Variants in LHPP observed in about 807,000 individuals in gnomAD.
LHPP encodes hLHPP.
A neutral mutation model predicts 30.3 loss-of-function variants in LHPP; 24 were observed. The observed-to-expected ratio is 0.79, with a 90% confidence interval of 0.57 to 1.11. LHPP has a LOEUF of 1.11. Ranked by LOEUF, LHPP falls within the 50% of genes most tolerant of loss-of-function variation. The pLI is 0.00. For synonymous variants in LHPP, 150 were observed against 157.1 expected, an observed-to-expected ratio of 0.95 and a Z score of 0.34; for missense variants, 356 against 367.2, an observed-to-expected ratio of 0.97 and a Z score of 0.25.
At chr10:124,535,880 A>C (rs1955011578) in intron 6 of LHPP, among the ~76,000 whole-genome samples, 1 of 152,246 alleles carries the variant, frequency 6.6e-6, no homozygotes, top group Admixed American at 6.5e-5. Flanking sequence ...GCCCCTGAGC[A>C]CCAGTTCTGC....
intron 5 of LHPP, among the ~76,000 whole-genome samples, chr10:124,502,602 C>G (rs1055076128): frequency 8.0e-5 from 12 of 150,466 alleles, no homozygotes; most frequent in African/African-American, 3.0e-4. Flanking sequence ...ATCTCCTGAC[C>G]TCGTGATCTG....
chr10:124,587,157 G>A (rs1364185238), intron 6 of LHPP, among the ~76,000 whole-genome samples: 3 of 150,632 alleles, frequency 2.0e-5, no homozygotes, highest in South Asian at 2.1e-4. Flanking sequence ...TCAGCCTCCC[G>A]AGTAGCTGGG....
At chr10:124,534,722 G>GGGGCTTCGGGCTGGGGCCCTGCTGC (rs1954981667) in intron 6 of LHPP, among the ~76,000 whole-genome samples, 1 of 152,176 alleles carries the variant, frequency 6.6e-6, no homozygotes. Flanking sequence ...ATGCGCTCTC[G>GGGGCTTCGGGCTGGGGCCCTGCTGC]GGGCTTCGGG....
intron 1 of LHPP, among the ~76,000 whole-genome samples, chr10:124,477,894 C>T (rs1336661641): frequency 6.6e-6 from 1 of 152,286 alleles, no homozygotes; most frequent in East Asian, 1.9e-4. Context: ...CACCTGGTGG[C>T]CCCTCTGTGG....
chr10:124,465,128 G>A (rs772436645), intron 1 of LHPP, among the ~76,000 whole-genome samples: 1 of 152,084 alleles, frequency 6.6e-6, no homozygotes, highest in Non-Finnish European at 1.5e-5. Flanking sequence ...AGAGGGGGTC[G>A]GGACAGCTCT....
rs143575393 is a variant in LHPP, at chr10:124,510,325, G to T, written c.625-6855G>T. 2.6e-5 allele frequency among the ~76,000 whole-genome samples: 4 copies of T among 152,190 alleles called. No homozygotes were observed. Among genetic ancestry groups the T allele is most frequent in the Non-Finnish European group, 4.4e-5 (3 of 68,032 alleles). ...CTGGGAATCCCCTGGGGTCCTGAGC[G>T]CACTTTGGTATGCGGAGCCCACAAG... On this transcript the variant is annotated intron_variant, in intron 5 of 6. Coordinates refer to ENST00000368842, the MANE Select transcript of LHPP (RefSeq NM_022126.4). The surrounding 1 kb of genome is among the most constrained non-coding windows in gnomAD (Gnocchi z 4.0).
intron 5 of LHPP, among the ~76,000 whole-genome samples, chr10:124,511,053 G>A (rs1022642589): frequency 2.6e-5 from 4 of 152,196 alleles, no homozygotes; most frequent in Non-Finnish European, 4.4e-5. Flanking sequence ...TGATAGACTC[G>A]AAAACCTCAT....
rs529163688 is a variant in LHPP, at chr10:124,566,312, C to T, written c.717-46952C>T. On this transcript the variant is annotated intron_variant, in intron 6 of 6. Coordinates refer to ENST00000368842, the MANE Select transcript of LHPP (RefSeq NM_022126.4). ...ACTTTCAGGAGGGGTTGTCCTTTCCCCCCTGGGGGACACACTCTGCTTACT... is the reference window on the plus strand; with the variant it reads ...ACTTTCAGGAGGGGTTGTCCTTTCCTCCCTGGGGGACACACTCTGCTTACT... Among the ~76,000 whole-genome samples, 18 of 152,316 alleles carry T rather than the reference C, an allele frequency of 1.2e-4. No homozygotes were observed. The East Asian group carries it at 3.5e-3, about 29-fold the overall frequency.
At chr10:124,544,891 T>A (rs1266017647) in intron 6 of LHPP, among the ~76,000 whole-genome samples, 1 of 152,222 alleles carries the variant, frequency 6.6e-6, no homozygotes, top group African/African-American at 2.4e-5. Context: ...TTCTGGCCAC[T>A]GTGGCGCGAG....
intron 5 of LHPP, among the ~76,000 whole-genome samples, chr10:124,506,299 C>T (rs1162192852): frequency 2.3e-4 from 33 of 140,524 alleles, no homozygotes; most frequent in African/African-American, 2.6e-5. Context: ...AACCTCGACA[C>T]TTGGTGTTTT....
intron 4 of LHPP, among the ~76,000 whole-genome samples, chr10:124,497,830 C>CTGG (rs1179936304): frequency 4.6e-5 from 7 of 152,172 alleles, no homozygotes; most frequent in Admixed American, 4.6e-4. Context: ...GGCAGGGTGC[C>CTGG]TGGTGCTAGG....
chr10:124,518,734 G>C (rs906696875), intron 6 of LHPP, among the ~76,000 whole-genome samples: 1 of 152,204 alleles, frequency 6.6e-6, no homozygotes, highest in African/African-American at 2.4e-5. Context: ...CCCAGGCCAG[G>C]TGCCCCTATA....
intron 1 of LHPP, among the ~76,000 whole-genome samples, chr10:124,482,129 G>A (rs916834872): frequency 6.6e-6 from 1 of 152,174 alleles, no homozygotes; most frequent in African/African-American, 2.4e-5. Context: ...TTTTAGTTGG[G>A]TCTCACTTGC....
chr10:124,523,291 T>C lies in LHPP; in HGVS notation c.716+6020T>C, dbSNP rs1954653992. Among the ~76,000 whole-genome samples the C allele has an allele frequency of 6.6e-6, 1 of 152,250 alleles. No homozygotes were observed. The highest frequency in any genetic ancestry group is 1.5e-5 in the Non-Finnish European group (1 of 68,040). ...TCCCTTCTAGCTGTGGCCTGGGTGC[T>C]GAAGGGGTTTCCCCCCAGTGGGGTG... is the stretch of plus-strand genomic sequence containing the variant. On this transcript the variant is annotated intron_variant, in intron 6 of 6. Coordinates refer to ENST00000368842, the MANE Select transcript of LHPP (RefSeq NM_022126.4). The surrounding 1 kb of genome is among the most constrained non-coding windows in gnomAD (Gnocchi z 4.2).
In LHPP at chr10:124,587,738, T is replaced by TAAAA. The variant is rs747954796; in HGVS notation, c.717-25502_717-25499dup. 9.1e-4 allele frequency among the ~76,000 whole-genome samples: 48 copies of TAAAA among 53,004 alleles called. 2 individuals carry two copies. Among genetic ancestry groups the TAAAA allele is most frequent in the South Asian group, 1.5e-3 (2 of 1,294 alleles). 34.8% of individuals were successfully genotyped at this position (53,004 alleles called of 152,430 possible). On this transcript the variant is annotated intron_variant, in intron 6 of 6. Coordinates refer to ENST00000368842, the MANE Select transcript of LHPP (RefSeq NM_022126.4). ...CTGGGAGACACAGCCAGACTCCATCTAAAAAAAAAAAAAAAAAAAAAAAAA... is the reference window on the plus strand; with the variant it reads ...CTGGGAGACACAGCCAGACTCCATCTAAAAAAAAAAAAAAAAAAAAAAAAAAAAA...
intron 6 of LHPP, among the ~76,000 whole-genome samples, chr10:124,587,739 A>T (rs1273568431): frequency 4.9e-4 from 24 of 48,512 alleles, no homozygotes; most frequent in Non-Finnish European, 8.2e-4. Flanking sequence ...GACTCCATCT[A>T]AAAAAAAAAA....
intron 4 of LHPP, among the ~76,000 whole-genome samples, chr10:124,497,304 C>T (rs189747660): frequency 0.015 from 1,556 of 105,240 alleles, 141 homozygotes; most frequent in Admixed American, 0.14. Context: ...CTCCAGTGGG[C>T]GCAGCCCCCC....
At chr10:124,565,794 C>T (rs1948478765) in intron 6 of LHPP, among the ~76,000 whole-genome samples, 1 of 152,304 alleles carries the variant, frequency 6.6e-6, no homozygotes, top group East Asian at 1.9e-4. Context: ...CACAGGAAGG[C>T]AGGGGGAAGG....
chr10:124,471,562 A>C (rs1952760481), intron 1 of LHPP, among the ~76,000 whole-genome samples: 1 of 53,680 alleles, frequency 1.9e-5, no homozygotes, highest in South Asian at 5.1e-4. Context: ...ATATTTATAT[A>C]TATATAAATT....
Sources: allele counts gnomAD v4.1 joint callset (sites outside exome capture counted in the v4.1 genomes callset), GRCh38; gene constraint gnomAD v4.1.1; non-coding constraint Gnocchi (gnomAD v3.1); transcripts MANE v1.5; gene names NCBI Gene and HGNC (gene_info 2026-07-23, HGNC 2026-07-21).